Variants in ABHD11 observed in about 807,000 individuals in gnomAD.
The protein encoded by ABHD11 is abhydrolase domain containing 11.
ABHD11 carries 26 observed loss-of-function variants against 29.0 expected under a neutral mutation model. That is an observed-to-expected ratio of 0.90 (90% CI 0.66 to 1.24). The LOEUF is 1.24. Among genes scored for constraint, ABHD11 ranks in the 50% most tolerant of loss-of-function variants. The pLI is 0.00. For synonymous variants in ABHD11, 169 were observed against 166.4 expected, an observed-to-expected ratio of 1.02 and a Z score of -0.12; for missense variants, 381 against 422.4, an observed-to-expected ratio of 0.90 and a Z score of 0.86.
Position 73,738,336 on chromosome 7 carries a change from C to A in ABHD11, c.253G>T (p.Gly85Cys), listed in dbSNP as rs782058055. ...SIAKILAQQT[G>C]RRVLTVDARN... Reference sequence around the variant, plus strand: ...CCCACTCGAAAGCTCACCCTACGGCCTGTCTGCTGGGCCAAGATCTTGGCG... The same window carrying A: ...CCCACTCGAAAGCTCACCCTACGGCATGTCTGCTGGGCCAAGATCTTGGCG... The change falls in exon 2 of 6, where the codon GGC becomes TGC. Residue 85 changes from glycine to cysteine, a missense_variant. Coordinates refer to ENST00000222800, the MANE Select transcript of ABHD11 (RefSeq NM_148912.4). 3.9e-5 allele frequency: 63 copies of A among 1,613,200 alleles called. No individual in the cohort carries two copies. The highest frequency in any genetic ancestry group is 5.1e-5 in the Non-Finnish European group (60 of 1,179,682).
At chr7:73,738,521 G>C (rs1554622900) in intron 1 of ABHD11, 58 bp from the exon 2 acceptor site, 1 of 1,578,918 alleles carries the variant, frequency 6.3e-7, no homozygotes, top group Admixed American at 1.8e-5. Context: ...GAAAGGGGTA[G>C]GGGGAAAGAG....
Position 73,736,212 on chromosome 7 carries a change from A to T in ABHD11, c.*347T>A. 1 of 463,156 alleles carries T rather than the reference A, an allele frequency of 2.2e-6. No homozygotes were observed. The highest frequency in any genetic ancestry group is 1.5e-5 in the South Asian group (1 of 64,600). 28.7% of individuals were successfully genotyped at this position (463,156 alleles called of 1,614,324 possible). On this transcript the variant is annotated 3_prime_UTR_variant, in exon 6 of 6. Transcript: ENST00000222800. ...CCCAAATGTGGAGCAGGCTGCAGAG[A>T]CTTGAAGCCTGGGGTTTTGTGCCTC... is the stretch of plus-strand genomic sequence containing the variant.
intron 2 of ABHD11, 21 bp from the exon 3 acceptor site, chr7:73,737,756 G>A: frequency 6.3e-7 from 1 of 1,595,492 alleles, no homozygotes; most frequent in Non-Finnish European, 8.5e-7. Flanking sequence ...GGGTGAGACG[G>A]GGCTGCGTTG....
intron 3 of ABHD11, 79 bp from the exon 4 acceptor site, chr7:73,737,470 G>C: frequency 6.4e-7 from 1 of 1,564,632 alleles, no homozygotes; most frequent in South Asian, 1.2e-5. Flanking sequence ...GCCTGAACTT[G>C]GTCATCCAAC....
In ABHD11 at chr7:73,737,561, C is replaced by T. The variant is rs375601779; in HGVS notation, c.435+1G>A. 62 of 1,601,120 alleles carry T rather than the reference C, an allele frequency of 3.9e-5. No individual in the cohort carries two copies. The Admixed American group carries it at 4.9e-4, about 13-fold the overall frequency. On this transcript the variant is annotated splice_donor_variant, in intron 3 of 5. Coordinates refer to ENST00000222800, the MANE Select transcript of ABHD11 (RefSeq NM_148912.4). LOFTEE classifies it high-confidence loss of function. ...GGAGGCCCCAGACATGGGCGGCTCA[C>T]CCTCTGTAGTGCCAGCAGCATGGCT...
At chr7:73,737,866 G>T in intron 2 of ABHD11, 131 bp from the exon 3 acceptor site, 1 of 1,366,264 alleles carries the variant, frequency 7.3e-7, no homozygotes, top group Non-Finnish European at 9.9e-7. Context: ...GAAGGGCCCA[G>T]TTTCCAGACC....
chr7:73,738,431 C>T lies in ABHD11; in HGVS notation c.158G>A (p.Gly53Glu), dbSNP rs782079445. Residue 53 changes from glycine (G) to glutamate (E), a missense_variant, in exon 2 of 6, where the codon GGG becomes GAG. Physicochemically the swap from Gly to Glu is moderately conservative, Grantham distance 98. Transcript: ENST00000222800. ...PLPLSYRLLDGEAALPAVVFL... is the reference protein window; with the variant it reads ...PLPLSYRLLDEEAALPAVVFL... ...GACGACGGCCGGGAGGGCTGCCTCC[C>T]CGTCCAGAAGCCTGTAGGAAAGCGG... 3 of 1,610,972 alleles carry T rather than the reference C, an allele frequency of 1.9e-6. No individual in the cohort carries two copies. The highest frequency in any genetic ancestry group is 1.1e-5 in the South Asian group (1 of 90,572).
Position 73,736,167 on chromosome 7 carries a change from CCTGT to C in ABHD11, c.*388_*391del, listed in dbSNP as rs1554621576. ...TGTAAAACCTCGTGCCCACACAGTG[CCTGT>C]CTGAGTCCTTCTGTGCCCAAATGTG... On this transcript the variant is annotated 3_prime_UTR_variant, in exon 6 of 6. Transcript: ENST00000222800. 4.4e-6 allele frequency: 2 copies of C among 458,344 alleles called. No individual in the cohort carries two copies. Among genetic ancestry groups the C allele is most frequent in the Non-Finnish European group, 8.8e-6 (2 of 228,186 alleles). The allele number at this position is 458,344 out of a possible 1,614,324, so 28.4% of individuals were successfully genotyped here.
Position 73,738,657 on chromosome 7 carries a change from GC to G in ABHD11, c.113del (p.Gly38AlafsTer52). The G allele has an allele frequency of 6.3e-7, 1 of 1,592,924 alleles. No homozygotes were observed. The highest frequency in any genetic ancestry group is 8.5e-7 in the Non-Finnish European group (1 of 1,172,384). On this transcript the variant is annotated frameshift_variant, in exon 1 of 6. Transcript: ENST00000222800. LOFTEE classifies it high-confidence loss of function. The stretch of plus-strand genomic sequence containing the variant: ...TGCCCTTGACTGACCTCGGCTCGGC[GC>G]CCCCTCGGCCGCCGCTGCTGCTGCT... ...APSSSSGGRG[G>X]AEPRPLPLSY...
Position 73,736,993 on chromosome 7 carries a change from G to C in ABHD11, c.724C>G (p.Gln242Glu). ...QHLDKILAFP[Q>E]RQESYLGPTL... ...GGCCCGAGGTAGGACTCCTGCCTCT[G>C]TGGGAAAGCCAAGATCTTGTCTAGG... The change falls in exon 5 of 6, where the codon CAG becomes GAG. Residue 242 changes from glutamine to glutamate, a missense_variant. Physicochemically the swap from Gln to Glu is conservative, Grantham distance 29. Transcript: ENST00000222800. 1 of 1,614,066 alleles carries C rather than the reference G, an allele frequency of 6.2e-7. No homozygotes were observed. The highest frequency in any genetic ancestry group is 8.5e-7 in the Non-Finnish European group (1 of 1,180,020).
At chr7:73,738,149 C>T in intron 2 of ABHD11, 179 bp downstream of exon 2, 1 of 1,117,026 alleles carries the variant, frequency 9.0e-7, no homozygotes, top group Non-Finnish European at 1.3e-6. Flanking sequence ...AGATCTACAA[C>T]ATGAATTAAT....
At chr7:73,738,532 C>G in intron 1 of ABHD11, 69 bp from the exon 2 acceptor site, 1 of 1,570,716 alleles carries the variant, frequency 6.4e-7, no homozygotes. Context: ...GGGGAAAGAG[C>G]TTTGGGGGAG....
chr7:73,738,022 G>T (rs1392504800), intron 2 of ABHD11: 1 of 744,790 alleles, frequency 1.3e-6, no homozygotes, highest in East Asian at 2.7e-5. Context: ...TCCAACAGTA[G>T]GAGCACAGAA....
rs1158637456 is a variant in ABHD11, at chr7:73,736,687, T to G, written c.793A>C (p.Ser265Arg). ...AGCCGCATAATCTCAGGGTGGTGGC[T>G]GGGACTGTGCATCGCAGCGACGGCC... ...LGGNSQFVHP[S>R]HHPEIMRLFP... is the part of the protein sequence containing the mutation. The change falls in exon 6 of 6, where the codon AGC becomes CGC. Residue 265 changes from serine to arginine, a missense_variant. Physicochemically the swap from Ser to Arg is moderately radical, Grantham distance 110. Transcript: ENST00000222800. 3.1e-6 allele frequency: 5 copies of G among 1,613,528 alleles called. No individual in the cohort carries two copies. The African/African-American group carries it at 5.3e-5, about 17-fold the overall frequency.
At position 73,737,746 on chromosome 7, in the gene ABHD11, G is replaced by A. The variant is rs1207942278; in HGVS notation, c.262-11C>T. On this transcript the variant is annotated splice_polypyrimidine_tract_variant and intron_variant, in intron 2 of 5. Coordinates refer to ENST00000222800, the MANE Select transcript of ABHD11 (RefSeq NM_148912.4). The stretch of plus-strand genomic sequence containing the variant: ...ATCCACCGTCAGCACCTGGGGAGTG[G>A]GGTGAGACGGGGCTGCGTTGATATC... 1.2e-6 allele frequency: 2 copies of A among 1,603,838 alleles called. No homozygotes were observed. Among genetic ancestry groups the A allele is most frequent in the African/African-American group, 2.7e-5 (2 of 74,678 alleles).
rs201053538 is a variant in ABHD11, at chr7:73,737,103, G to A, written c.614C>T (p.Ala205Val). Residue 205 changes from alanine to valine, a missense_variant, in exon 5 of 6, where the codon GCC becomes GTC. By Grantham distance (64) the Ala-to-Val change is moderately conservative (BLOSUM62 0). Coordinates refer to ENST00000222800, the MANE Select transcript of ABHD11 (RefSeq NM_148912.4). The stretch of plus-strand genomic sequence containing the variant: ...GTTAGTGAGCAGGTGCTGCCGCACG[G>A]CCATGTCCTGTGGGGGTGCAGCAGT... ...EQLSSVIQDM[A>V]VRQHLLTNLV... 3.7e-5 allele frequency: 59 copies of A among 1,613,702 alleles called. No homozygotes were observed. The highest frequency in any genetic ancestry group is 4.7e-5 in the Non-Finnish European group (55 of 1,180,028).
chr7:73,738,519 T>C, intron 1 of ABHD11, 56 bp from the exon 2 acceptor site: 1 of 1,577,734 alleles, frequency 6.3e-7, no homozygotes, highest in Non-Finnish European at 8.6e-7. Context: ...GGGAAAGGGG[T>C]AGGGGGAAAG....
At position 73,738,645 on chromosome 7, in the gene ABHD11, C is replaced by T; in HGVS notation, c.125+1G>A. 1 of 1,592,802 alleles carries T rather than the reference C, an allele frequency of 6.3e-7. No homozygotes were observed. The highest frequency in any genetic ancestry group is 8.5e-7 in the Non-Finnish European group (1 of 1,172,154). On this transcript the variant is annotated splice_donor_variant, in intron 1 of 5. Transcript: ENST00000222800. LOFTEE classifies it high-confidence loss of function. ...CCTCCCGCCCGGTGCCCTTGACTGA[C>T]CTCGGCTCGGCGCCCCCTCGGCCGC...
rs1799947275 is a variant in ABHD11 at position 73,736,953 on chromosome 7, A to G, written c.764T>C (p.Leu255Pro). 1 of 1,613,686 alleles carries G rather than the reference A, an allele frequency of 6.2e-7. No homozygotes were observed. Among genetic ancestry groups the G allele is most frequent in the Middle Eastern group, 1.7e-4 (1 of 6,060 alleles). ...CTGCACGAACTGGGAGTTTCCACCA[A>G]GGAGAAAGAGTGTTGGCCCGAGGTA... Reference protein sequence around the residue: ...ESYLGPTLFLLGGNSQFVHPS... With the variant: ...ESYLGPTLFLPGGNSQFVHPS... Residue 255 changes from leucine to proline, a missense_variant, in exon 5 of 6, where the codon CTT (leucine) becomes CCT (proline). Physicochemically the swap from Leu to Pro is moderately conservative, Grantham distance 98. Coordinates refer to ENST00000222800, the MANE Select transcript of ABHD11 (RefSeq NM_148912.4).
Sources: gnomAD v4.1 joint callset for allele counts on GRCh38, gnomAD v4.1.1 for gene constraint, MANE v1.5 for transcripts, NCBI Gene and HGNC (gene_info 2026-07-23, HGNC 2026-07-21) for gene names.